Variants in ALMS1 observed in about 807,000 individuals in gnomAD.
The protein encoded by ALMS1 is ALMS1 centrosome and basal body associated protein.
Under a neutral mutation model 352.2 loss-of-function variants are expected in ALMS1, and 271 were observed. The observed-to-expected ratio is 0.77, with a 90% confidence interval of 0.70 to 0.85. The LOEUF is 0.85. Among genes scored for constraint, ALMS1 ranks in the 40% least tolerant of loss-of-function variants. The pLI, the probability that ALMS1 is intolerant of heterozygous loss-of-function variation, is 0.00. For missense variants in ALMS1, 5,445 were observed against 4,870.7 expected (o/e 1.12, Z -3.51); for synonymous variants, 1,865 against 1,761.2 (o/e 1.06, Z -1.48).
At chr2:73,566,441 G>C (rs1674802768) in intron 15 of ALMS1, among the ~76,000 whole-genome samples, 1 of 152,192 alleles carries the variant, frequency 6.6e-6, no homozygotes, top group African/African-American at 2.4e-5. Context: ...GATAAAGGGA[G>C]GATTCACATC....
intron 1 of ALMS1, among the ~76,000 whole-genome samples, chr2:73,403,500 CTTTGGCTCTTTAGAGTCT>C (rs1253644534): frequency 6.6e-6 from 1 of 152,006 alleles, no homozygotes; most frequent in Non-Finnish European, 1.5e-5. Context: ...TACAGAATTA[CTTTGGCTCTTTAGAGTCT>C]TTTGTGGTTC....
In ALMS1 at chr2:73,490,115, C is replaced by G. The variant is rs1572969357; in HGVS notation, c.8156C>G (p.Ser2719Cys). The change falls in exon 10 of 23, where the codon TCT becomes TGT. Residue 2719 changes from serine (S) to cysteine (C), a missense_variant. Coordinates refer to ENST00000613296, the MANE Select transcript of ALMS1 (RefSeq NM_001378454.1). ...TTTACTACCTCCATCACTTTTTCAT[C>G]TCACCGACATTCTAAATGCATTTCC... ...KKFTTSITFS[S>C]HRHSKCISNS... 1 of 1,614,192 alleles carries G rather than the reference C, an allele frequency of 6.2e-7. No homozygotes were observed.
chr2:73,445,095 C>G (rs1671785004), intron 7 of ALMS1, among the ~76,000 whole-genome samples: 1 of 151,718 alleles, frequency 6.6e-6, no homozygotes, highest in Non-Finnish European at 1.5e-5. Context: ...AAAAAAAAAT[C>G]TTTTTTATTT....
chr2:73,489,565 T>C (rs1672928518), intron 9 of ALMS1, 69 bp from the exon 10 acceptor site: 2 of 1,574,808 alleles, frequency 1.3e-6, no homozygotes, highest in South Asian at 1.1e-5. Context: ...AACTGATTTG[T>C]ATAAAACTGA....
At position 73,453,108 on chromosome 2, in the gene ALMS1, A is replaced by G. The variant is rs2103790713; in HGVS notation, c.6581A>G (p.Asn2194Ser). 6.2e-7 allele frequency: 1 copy of G among 1,614,118 alleles called. No homozygotes were observed. The highest frequency in any genetic ancestry group is 2.2e-5 in the East Asian group (1 of 44,864). The part of the protein sequence containing the change: ...VPSGTYSHGE[N>S]HKLVSEHVQR... Reference sequence around the variant, plus strand: ...TCTGGTACTTACTCACATGGTGAGAATCACAAGCTTGTTTCAGAACATGTC... The same window carrying G: ...TCTGGTACTTACTCACATGGTGAGAGTCACAAGCTTGTTTCAGAACATGTC... The change falls in exon 8 of 23, where the codon AAT (asparagine) becomes AGT (serine). Residue 2194 changes from asparagine to serine, a missense_variant. Asn to Ser is a conservative substitution (Grantham distance 46). Coordinates refer to ENST00000613296, the MANE Select transcript of ALMS1 (RefSeq NM_001378454.1).
intron 15 of ALMS1, among the ~76,000 whole-genome samples, chr2:73,561,908 A>G (rs1558695385): frequency 6.6e-6 from 1 of 152,296 alleles, no homozygotes; most frequent in East Asian, 1.9e-4. Flanking sequence ...TTTAGAAGAC[A>G]TGAAGTATAT....
intron 10 of ALMS1, among the ~76,000 whole-genome samples, chr2:73,508,572 T>G (rs978622950): frequency 6.6e-6 from 1 of 152,156 alleles, no homozygotes; most frequent in Non-Finnish European, 1.5e-5. Context: ...TTGTTATGAT[T>G]TTCATTCTTC....
intron 10 of ALMS1, among the ~76,000 whole-genome samples, chr2:73,509,678 G>T (rs1673409264): frequency 1.3e-5 from 2 of 152,106 alleles, no homozygotes; most frequent in South Asian, 4.1e-4. Context: ...CTTTGTCTCT[G>T]GCTGCCCTTA....
intron 7 of ALMS1, among the ~76,000 whole-genome samples, chr2:73,447,407 A>G (rs1275317280): frequency 6.6e-6 from 1 of 152,040 alleles, no homozygotes; most frequent in Non-Finnish European, 1.5e-5. Flanking sequence ...TTAAATATAT[A>G]TATATTATAC....
Position 73,452,352 on chromosome 2 carries a change from C to T in ALMS1, c.5825C>T (p.Ser1942Leu), listed in dbSNP as rs755927504. Residue 1942 changes from serine to leucine, a missense_variant, in exon 8 of 23, where the codon TCA becomes TTA. Coordinates refer to ENST00000613296, the MANE Select transcript of ALMS1 (RefSeq NM_001378454.1). ...CCAACAGTACCTTTAAGTTACTACT[C>T]ACGTAGAGAGAAGCCCAGTGTTATC... ...EIPTVPLSYY[S>L]RREKPSVISQ... is the part of the protein sequence containing the mutation. 4.3e-6 allele frequency: 7 copies of T among 1,614,084 alleles called. No homozygotes were observed. The highest frequency in any genetic ancestry group is 5.9e-6 in the Non-Finnish European group (7 of 1,179,986).
At position 73,489,920 on chromosome 2, in the gene ALMS1, T is replaced by G; in HGVS notation, c.7961T>G (p.Phe2654Cys). ...NSLQLKSHSPFQNFIPDEFKI... is the reference protein window; with the variant it reads ...NSLQLKSHSPCQNFIPDEFKI... The stretch of plus-strand genomic sequence containing the variant: ...TTGCAGTTAAAAAGTCATTCCCCAT[T>G]TCAGAACTTTATACCTGATGAATTC... Residue 2654 changes from phenylalanine (F) to cysteine (C), a missense_variant, in exon 10 of 23, where the codon TTT (phenylalanine) becomes TGT (cysteine). By Grantham distance (205) the Phe-to-Cys change is radical (BLOSUM62 -2). Transcript: ENST00000613296. 6.2e-7 allele frequency: 1 copy of G among 1,614,194 alleles called. No homozygotes were observed. Among genetic ancestry groups the G allele is most frequent in the Non-Finnish European group, 8.5e-7 (1 of 1,180,030 alleles).
chr2:73,598,988 G>C (rs1403152959), intron 16 of ALMS1, among the ~76,000 whole-genome samples: 1 of 152,174 alleles, frequency 6.6e-6, no homozygotes, highest in Non-Finnish European at 1.5e-5. Context: ...ATACGTGTTT[G>C]AGTCAGCTCT....
chr2:73,418,763 C>T (rs762638061), intron 2 of ALMS1, among the ~76,000 whole-genome samples: 37 of 152,146 alleles, frequency 2.4e-4, no homozygotes, highest in African/African-American at 8.7e-4. Context: ...AGCTTATCCC[C>T]GGAACACATG....
intron 12 of ALMS1, among the ~76,000 whole-genome samples, chr2:73,546,337 T>C (rs1674318935): frequency 1.3e-5 from 2 of 152,208 alleles, no homozygotes; most frequent in South Asian, 4.1e-4. Context: ...TTTTCTACAA[T>C]GATCAGGTTG....
intron 7 of ALMS1, among the ~76,000 whole-genome samples, chr2:73,442,138 C>T (rs999940873): frequency 1.1e-4 from 17 of 151,994 alleles, no homozygotes; most frequent in African/African-American, 3.6e-4. Flanking sequence ...TTATATAATA[C>T]AGGTTGAGCA....
chr2:73,448,860 TAGC>T lies in ALMS1; in HGVS notation c.2336_2338del (p.Ala779del). On this transcript the variant is annotated inframe_deletion, in exon 8 of 23. Coordinates refer to ENST00000613296, the MANE Select transcript of ALMS1 (RefSeq NM_001378454.1). ...CCTAGTATTTTGTACCCACAGGACT[TAGC>T]AGACAGTCATCTACCTGAAGAGGGT... is the stretch of plus-strand genomic sequence containing the variant. 6.2e-7 allele frequency: 1 copy of T among 1,613,934 alleles called. No homozygotes were observed. Among genetic ancestry groups the T allele is most frequent in the Non-Finnish European group, 8.5e-7 (1 of 1,179,948 alleles).
At position 73,449,454 on chromosome 2, in the gene ALMS1, G is replaced by A; in HGVS notation, c.2927G>A (p.Arg976Lys). 6.2e-7 allele frequency: 1 copy of A among 1,614,016 alleles called. No homozygotes were observed. Among genetic ancestry groups the A allele is most frequent in the Non-Finnish European group, 8.5e-7 (1 of 1,179,974 alleles). The change falls in exon 8 of 23, where the codon AGA becomes AAA. Residue 976 changes from arginine to lysine, a missense_variant. Physicochemically the swap from Arg to Lys is conservative, Grantham distance 26. Coordinates refer to ENST00000613296, the MANE Select transcript of ALMS1 (RefSeq NM_001378454.1). ...QQELPDSDLP[R>K]ESLKMSAIPG... ...GAGTTGCCAGACAGTGATCTACCTA[G>A]AGAATCTCTGAAAATGTCTGCTATT...
intron 3 of ALMS1, among the ~76,000 whole-genome samples, chr2:73,420,086 G>C (rs923243578): frequency 2.0e-5 from 3 of 152,130 alleles, no homozygotes; most frequent in Admixed American, 6.5e-5. Flanking sequence ...TGGGAGGAGA[G>C]GACTATCTTT....
chr2:73,461,317 C>G (rs1284810043), intron 9 of ALMS1, among the ~76,000 whole-genome samples: 1 of 152,210 alleles, frequency 6.6e-6, no homozygotes, highest in Admixed American at 6.5e-5. Context: ...TGTTGTGCAG[C>G]CACCGCTGCT....
Sources: gnomAD v4.1 joint callset for allele counts (sites outside exome capture counted in the v4.1 genomes callset) on GRCh38, gnomAD v4.1.1 for gene constraint, MANE v1.5 for transcripts, NCBI Gene and HGNC (gene_info 2026-07-23, HGNC 2026-07-21) for gene names.